The following CDH13 variants were observed in gnomAD, a reference collection of about 807,000 sequenced individuals.
CDH13 encodes the protein cadherin 13.
A neutral mutation model predicts 63.8 loss-of-function variants in CDH13; 24 were observed. The ratio of observed to expected loss-of-function variants is 0.38; its 90% confidence interval spans 0.27 to 0.53. CDH13 has a LOEUF of 0.53. CDH13 is among the 20% of genes least tolerant of loss of function. The pLI is 0.85. For missense variants in CDH13, 1,049 were observed against 903.1 expected (o/e 1.16, Z -2.07); for synonymous variants, 503 against 355.3 (o/e 1.42, Z -4.67).
At chr16:83,141,803 G>T (rs2036540360) in intron 4 of CDH13, among the ~76,000 whole-genome samples, 1 of 152,192 alleles carries the variant, frequency 6.6e-6, no homozygotes, top group African/African-American at 2.4e-5. Context: ...TGCTGAGAAT[G>T]ATGGCTTCCA....
chr16:83,065,039 C>T (rs553113582), intron 3 of CDH13, among the ~76,000 whole-genome samples: 1 of 152,210 alleles, frequency 6.6e-6, no homozygotes, highest in Admixed American at 6.5e-5. Context: ...CAGGTAATCA[C>T]CATCCTACTG....
chr16:83,288,076 T>C (rs2089367281), intron 5 of CDH13, among the ~76,000 whole-genome samples: 1 of 152,250 alleles, frequency 6.6e-6, no homozygotes, highest in Admixed American at 6.5e-5. Flanking sequence ...TTAAAATTTT[T>C]AGGTAGTGTC....
chr16:83,645,183 T>C (rs930413930), intron 8 of CDH13, among the ~76,000 whole-genome samples: 7 of 152,194 alleles, frequency 4.6e-5, no homozygotes, highest in African/African-American at 1.4e-4. Context: ...AAAGAAAAGG[T>C]GGTGTATACA....
intron 8 of CDH13, chr16:83,654,825 C>G (rs140921060): frequency 3.9e-5 from 6 of 152,160 alleles, no homozygotes; most frequent in African/African-American, 1.4e-4. Flanking sequence ...TCCCACCAAC[C>G]CTATGACTCT....
chr16:83,256,425 T>G (rs376362344), intron 5 of CDH13, among the ~76,000 whole-genome samples: 1 of 152,110 alleles, frequency 6.6e-6, no homozygotes, highest in African/African-American at 2.4e-5. Context: ...TTAAGTATTG[T>G]CAGCTCAGAG....
At chr16:83,195,882 C>T (rs993308952) in intron 4 of CDH13, among the ~76,000 whole-genome samples, 1 of 152,190 alleles carries the variant, frequency 6.6e-6, no homozygotes, top group African/African-American at 2.4e-5. Context: ...ATAGATCCTT[C>T]AGCAAATGAT....
At chr16:82,944,543 G>A (rs1904480459) in intron 2 of CDH13, among the ~76,000 whole-genome samples, 1 of 152,136 alleles carries the variant, frequency 6.6e-6, no homozygotes, top group Non-Finnish European at 1.5e-5. Context: ...TGACAGTGTG[G>A]ACCAGGAGTG....
intron 1 of CDH13, among the ~76,000 whole-genome samples, chr16:82,759,829 C>T (rs1019188637): frequency 1.3e-5 from 2 of 152,010 alleles, no homozygotes; most frequent in East Asian, 3.9e-4. Flanking sequence ...CTCCCCTATC[C>T]TGACGCACTG....
intron 4 of CDH13, among the ~76,000 whole-genome samples, chr16:83,156,646 A>T (rs964524361): frequency 1.3e-5 from 2 of 152,178 alleles, no homozygotes; most frequent in Non-Finnish European, 2.9e-5. Context: ...GACTACATCA[A>T]GTTTTACTCA....
rs1004255660 is a variant in CDH13, at chr16:82,941,813, C to T, written c.157+83340C>T. On this transcript the variant is annotated intron_variant, in intron 2 of 13. Coordinates refer to ENST00000567109, the MANE Select transcript of CDH13 (RefSeq NM_001257.5). ...GGCATGATTATTCTATATTCTTGCT[C>T]CCTCATTGAGTTCCAGTCTCAAGCA... is the stretch of plus-strand genomic sequence containing the variant. Among the ~76,000 whole-genome samples, 45 of 152,232 alleles carry T rather than the reference C, an allele frequency of 3.0e-4. 1 individual carries two copies. Among genetic ancestry groups the T allele is most frequent in the African/African-American group, 9.4e-4 (39 of 41,538 alleles).
rs530046272 is a variant in CDH13, at chr16:83,490,048, C to CACACACACACACACACAG, written c.960+3394_960+3395insCACACACACACACACAGA. ...ACACACACACACACACACACACACACAGCTCACCAGCACCTCTGGCTCTCA... is the reference window on the plus strand; with the variant it reads ...ACACACACACACACACACACACACACACACACACACACACACAGAGCTCACCAGCACCTCTGGCTCTCA... On this transcript the variant is annotated intron_variant, in intron 7 of 13. Coordinates refer to ENST00000567109, the MANE Select transcript of CDH13 (RefSeq NM_001257.5). Among the ~76,000 whole-genome samples, 17 of 150,270 alleles carry CACACACACACACACACAG rather than the reference C, an allele frequency of 1.1e-4. 1 individual carries two copies. The South Asian group carries it at 3.2e-3, about 28-fold the overall frequency.
rs7342783 is a variant in CDH13, at chr16:82,693,281, T to A, written c.45+66144T>A. Among the ~76,000 whole-genome samples the A allele has an allele frequency of 5.5e-3, 835 of 152,196 alleles. 11 individuals carry two copies. The highest frequency in any genetic ancestry group is 0.019 in the African/African-American group (793 of 41,482). Reference sequence around the variant, plus strand: ...GTTAACCCATGGTTGAATAAGTACCTCTTTATTTTAAGCTTCTTAGTTTGT... The same window carrying A: ...GTTAACCCATGGTTGAATAAGTACCACTTTATTTTAAGCTTCTTAGTTTGT... On this transcript the variant is annotated intron_variant, in intron 1 of 13. Transcript: ENST00000567109.
chr16:83,164,322 C>T (rs925108306), intron 4 of CDH13, among the ~76,000 whole-genome samples: 1 of 152,022 alleles, frequency 6.6e-6, no homozygotes, highest in African/African-American at 2.4e-5. Context: ...ACATACCACA[C>T]ATCACACACC....
intron 10 of CDH13, among the ~76,000 whole-genome samples, chr16:83,703,087 G>T (rs1457741038): frequency 1.3e-5 from 2 of 152,172 alleles, no homozygotes; most frequent in Non-Finnish European, 2.9e-5. Context: ...CTTGGGTCAT[G>T]TATCTCTTTG....
intron 5 of CDH13, among the ~76,000 whole-genome samples, chr16:83,291,025 C>G (rs532669930): frequency 6.6e-6 from 1 of 152,142 alleles, no homozygotes; most frequent in Admixed American, 6.5e-5. Context: ...GTCACGCAGA[C>G]CTTTGTTAAA....
At chr16:83,626,417 G>A (rs1027640704) in intron 8 of CDH13, among the ~76,000 whole-genome samples, 5 of 152,244 alleles carry the variant, frequency 3.3e-5, no homozygotes, top group East Asian at 3.9e-4. Context: ...TGTAGTTGGC[G>A]CTCAGGTCAT....
intron 2 of CDH13, among the ~76,000 whole-genome samples, chr16:82,919,790 A>G (rs910193933): frequency 5.9e-5 from 9 of 152,216 alleles, no homozygotes; most frequent in African/African-American, 1.9e-4. Context: ...CATCTACTCT[A>G]AATCCATGCA....
At chr16:82,700,613 T>TA (rs1217502558) in intron 1 of CDH13, among the ~76,000 whole-genome samples, 1 of 152,012 alleles carries the variant, frequency 6.6e-6, no homozygotes, top group Non-Finnish European at 1.5e-5. Flanking sequence ...GGGTTAAACT[T>TA]AATCATTTCT....
At chr16:83,416,159 A>G (rs2071540753) in intron 6 of CDH13, among the ~76,000 whole-genome samples, 1 of 152,204 alleles carries the variant, frequency 6.6e-6, no homozygotes, top group South Asian at 2.1e-4. Flanking sequence ...TAGTACCAAA[A>G]AGAATAAAAT....
Sources: allele counts gnomAD v4.1 joint callset (sites outside exome capture counted in the v4.1 genomes callset), GRCh38; gene constraint gnomAD v4.1.1; transcripts MANE v1.5; gene names NCBI Gene and HGNC (gene_info 2026-07-23, HGNC 2026-07-21).